Variants in TRAPPC9 observed in about 807,000 individuals in gnomAD.
TRAPPC9 encodes the protein trafficking protein particle complex subunit 9, also known as IKK2 binding protein.
In TRAPPC9, 83 loss-of-function variants were observed where a neutral mutation model predicts 124.0. The ratio of observed to expected loss-of-function variants is 0.67; its 90% CI spans 0.56 to 0.80. The LOEUF (loss-of-function observed/expected upper bound fraction) is 0.80, where lower values mean the gene tolerates loss of function less well. Ranked by LOEUF, TRAPPC9 falls within the 30% of genes least tolerant of loss-of-function variation. TRAPPC9 has a pLI of 0.00. For synonymous variants in TRAPPC9, 638 were observed against 617.5 expected (o/e 1.03, Z -0.49); for missense variants, 1,302 against 1,508.3 (o/e 0.86, Z 2.27).
chr8:140,174,214 C>G (rs2062018806), intron 17 of TRAPPC9, among the ~76,000 whole-genome samples: 1 of 151,794 alleles, frequency 6.6e-6, no homozygotes, highest in Non-Finnish European at 1.5e-5. Flanking sequence ...CACACTGAGG[C>G]CTCTTGGAGG....
At chr8:139,772,525 G>A (rs1821040211) in intron 21 of TRAPPC9, among the ~76,000 whole-genome samples, 2 of 152,200 alleles carry the variant, frequency 1.3e-5, no homozygotes, top group South Asian at 2.1e-4. Flanking sequence ...CTCCCCAGGC[G>A]TCTGCCTTCG....
chr8:140,206,976 C>A (rs1021343024), intron 17 of TRAPPC9, among the ~76,000 whole-genome samples: 1 of 152,140 alleles, frequency 6.6e-6, no homozygotes, highest in African/African-American at 2.4e-5. Flanking sequence ...AGCACTTCTG[C>A]CTTCACGGAG....
intron 21 of TRAPPC9, among the ~76,000 whole-genome samples, chr8:139,869,629 C>T (rs1461124471): frequency 2.0e-5 from 3 of 152,162 alleles, no homozygotes; most frequent in African/African-American, 4.8e-5. Context: ...AAACAAGGAA[C>T]ATAACTTGTT....
intron 17 of TRAPPC9, among the ~76,000 whole-genome samples, chr8:140,093,043 C>T (rs1182259482): frequency 6.7e-6 from 1 of 150,060 alleles, no homozygotes; most frequent in African/African-American, 2.5e-5. Context: ...AAAAAAAAAG[C>T]TTTCCAGAAT....
At position 140,063,543 on chromosome 8, in the gene TRAPPC9, G is replaced by A. The variant is rs1842749192; in HGVS notation, c.2557-39464C>T. Among the ~76,000 whole-genome samples, 1 of 152,152 alleles carries A rather than the reference G, an allele frequency of 6.6e-6. No homozygotes were observed. The highest frequency in any genetic ancestry group is 1.5e-5 in the Non-Finnish European group (1 of 68,022). ...CATAAGAGGCCCAGGAGAAATGTTT[G>A]TTGAATGGATCGGGGAACAGAACAG... On this transcript the variant is annotated intron_variant, in intron 17 of 22. Coordinates refer to ENST00000438773, the MANE Select transcript of TRAPPC9 (RefSeq NM_001160372.4). This position sits in a 1 kb window ranked among gnomAD's most constrained non-coding sequence, Gnocchi z 4.3.
At chr8:139,917,283 C>T (rs544906389) in intron 19 of TRAPPC9, among the ~76,000 whole-genome samples, 1 of 148,654 alleles carries the variant, frequency 6.7e-6, no homozygotes, top group South Asian at 2.1e-4. Flanking sequence ...ATGCCATTCT[C>T]CATTCTCCTG....
intron 19 of TRAPPC9, among the ~76,000 whole-genome samples, chr8:139,919,215 C>T (rs1323948025): frequency 6.6e-6 from 1 of 152,216 alleles, no homozygotes; most frequent in Admixed American, 6.5e-5. Context: ...CCTCTTCTCA[C>T]CTGTTTGCTT....
intron 18 of TRAPPC9, among the ~76,000 whole-genome samples, chr8:140,022,922 C>T (rs952890227): frequency 2.0e-5 from 3 of 152,194 alleles, no homozygotes; most frequent in Non-Finnish European, 2.9e-5. Context: ...ACTAAAACCA[C>T]ACTTATTATT....
chr8:140,182,967 C>T lies in TRAPPC9; in HGVS notation c.2556+38492G>A, dbSNP rs1230362342. 6.6e-6 allele frequency among the ~76,000 whole-genome samples: 1 copy of T among 152,098 alleles called. No homozygotes were observed. The highest frequency in any genetic ancestry group is 2.4e-5 in the African/African-American group (1 of 41,394). On this transcript the variant is annotated intron_variant, in intron 17 of 22. Coordinates refer to ENST00000438773, the MANE Select transcript of TRAPPC9 (RefSeq NM_001160372.4). The surrounding 1 kb of genome is among the most constrained non-coding windows in gnomAD (Gnocchi z 4.0). Reference sequence around the variant, plus strand: ...GCTTCCTATTACCTTCCAAAATAAACTAGAAGCCTCCATATACATCACCTC... The same window carrying T: ...GCTTCCTATTACCTTCCAAAATAAATTAGAAGCCTCCATATACATCACCTC...
In TRAPPC9 at chr8:139,845,990, C is replaced by T. The variant is rs1045897547; in HGVS notation, c.3055+39889G>A. ...GGAAGGACCAGAGCACCAGGGAAGG[C>T]TTCAGAGGATGTGGGGACTGGGAAG... is the stretch of plus-strand genomic sequence containing the variant. On this transcript the variant is annotated intron_variant, in intron 21 of 22. Transcript: ENST00000438773. 3.3e-5 allele frequency among the ~76,000 whole-genome samples: 5 copies of T among 152,196 alleles called. No homozygotes were observed. The East Asian group carries it at 5.8e-4, about 18-fold the overall frequency.
intron 17 of TRAPPC9, among the ~76,000 whole-genome samples, chr8:140,192,828 AGTGC>A (rs2062529784): frequency 6.6e-6 from 1 of 152,188 alleles, no homozygotes; most frequent in Non-Finnish European, 1.5e-5. Context: ...CCTAGGCTAG[AGTGC>A]AGTGGCACAA....
At chr8:140,317,400 A>G (rs990868070) in intron 9 of TRAPPC9, among the ~76,000 whole-genome samples, 10 of 152,164 alleles carry the variant, frequency 6.6e-5, no homozygotes, top group Non-Finnish European at 1.0e-4. Flanking sequence ...ATAAGGTCCC[A>G]TTATTCTTTG....
At chr8:140,164,361 T>A (rs1451669750) in intron 17 of TRAPPC9, among the ~76,000 whole-genome samples, 2 of 152,224 alleles carry the variant, frequency 1.3e-5, no homozygotes, top group Non-Finnish European at 2.9e-5. Flanking sequence ...TCAGGGGCTA[T>A]TTTTCACATT....
At position 140,284,767 on chromosome 8, in the gene TRAPPC9, G is replaced by A. The variant is rs7341591; in HGVS notation, c.1982-746C>T. On this transcript the variant is annotated intron_variant, in intron 13 of 22. Transcript: ENST00000438773. Reference sequence around the variant, plus strand: ...TAAAAGGAGAGGCAGGCACTCCCTCGTGGGCAAATCAGGGACCTTACACAG... The same window carrying A: ...TAAAAGGAGAGGCAGGCACTCCCTCATGGGCAAATCAGGGACCTTACACAG... Among the ~76,000 whole-genome samples the A allele has an allele frequency of 2.9e-3, 443 of 152,264 alleles. 2 individuals are homozygous for A. Among genetic ancestry groups the A allele is most frequent in the African/African-American group, 9.8e-3 (407 of 41,554 alleles).
At chr8:140,065,176 C>A (rs1842845276) in intron 17 of TRAPPC9, among the ~76,000 whole-genome samples, 1 of 152,192 alleles carries the variant, frequency 6.6e-6, no homozygotes, top group African/African-American at 2.4e-5. Context: ...TAATCCAGAG[C>A]AATGCCCTAA....
At chr8:140,023,526 C>T (rs1181601061) in intron 18 of TRAPPC9, among the ~76,000 whole-genome samples, 1 of 152,132 alleles carries the variant, frequency 6.6e-6, no homozygotes, top group Non-Finnish European at 1.5e-5. Context: ...TATGGGGATG[C>T]CAGGAATGAT....
intron 17 of TRAPPC9, among the ~76,000 whole-genome samples, chr8:140,047,223 C>T (rs1472481610): frequency 1.3e-5 from 2 of 152,226 alleles, no homozygotes; most frequent in Non-Finnish European, 2.9e-5. Context: ...CCTCCTTCCA[C>T]ATCACACACG....
chr8:139,977,989 C>T (rs1019473086), intron 19 of TRAPPC9, among the ~76,000 whole-genome samples: 2 of 151,922 alleles, frequency 1.3e-5, no homozygotes, highest in Non-Finnish European at 2.9e-5. Flanking sequence ...CCTCCTACTC[C>T]TAATTTAATG....
At chr8:139,778,612 A>G (rs924624075) in intron 21 of TRAPPC9, among the ~76,000 whole-genome samples, 3 of 152,244 alleles carry the variant, frequency 2.0e-5, no homozygotes, top group Admixed American at 6.5e-5. Flanking sequence ...ACTTATGTCA[A>G]TGAAATATAT....
Sources: allele counts gnomAD v4.1 joint callset (sites outside exome capture counted in the v4.1 genomes callset), GRCh38; gene constraint gnomAD v4.1.1; non-coding constraint Gnocchi (gnomAD v3.1); transcripts MANE v1.5; gene names NCBI Gene and HGNC (gene_info 2026-07-23, HGNC 2026-07-21).